Variants in HRG observed in about 807,000 individuals in gnomAD.
HRG encodes histidine rich glycoprotein.
Under a neutral mutation model 29.5 loss-of-function variants are expected in HRG, and 26 were observed. The ratio of observed to expected loss-of-function variants is 0.88; its 90% CI spans 0.65 to 1.22. The LOEUF (loss-of-function observed/expected upper bound fraction) is 1.22. HRG is among the 50% of genes most tolerant of loss of function. The pLI is 0.00. For missense variants in HRG, 671 were observed against 654.5 expected, an observed-to-expected ratio of 1.03 and a Z score of -0.28; for synonymous variants, 243 against 240.4, an observed-to-expected ratio of 1.01 and a Z score of -0.10.
intron 5 of HRG, chr3:186,673,068 C>A: frequency 3.1e-6 from 2 of 647,306 alleles, no homozygotes; most frequent in South Asian, 1.8e-5. Context: ...ACCTGCCAGG[C>A]ACTCTTCTAA....
chr3:186,671,712 G>A lies in HRG; in HGVS notation c.481G>A (p.Ala161Thr), dbSNP rs1162504480. 20 of 1,613,848 alleles carry A rather than the reference G, an allele frequency of 1.2e-5. No individual in the cohort carries two copies. The African/African-American group carries it at 1.6e-4, about 13-fold the overall frequency. Residue 161 changes from alanine to threonine, a missense_variant, in exon 4 of 7, where the codon GCC (alanine) becomes ACC (threonine). Coordinates refer to ENST00000232003, the MANE Select transcript of HRG (RefSeq NM_000412.5). ...TERYRKQANK[A>T]LEKYKEENDD... ...GCGCTACAGAAAACAAGCCAACAAAGCCCTTGAGAAGTACAAAGAGGAGAA... is the reference window on the plus strand; with the variant it reads ...GCGCTACAGAAAACAAGCCAACAAAACCCTTGAGAAGTACAAAGAGGAGAA...
chr3:186,674,731 C>T lies in HRG; in HGVS notation c.640-358C>T, dbSNP rs1313857270. The T allele has an allele frequency of 2.5e-4, 88 of 347,616 alleles. 1 individual carries two copies. Among genetic ancestry groups the T allele is most frequent in the Non-Finnish European group, 2.8e-5 (5 of 178,198 alleles). The allele number at this position is 347,616 out of a possible 1,614,324, so 21.5% of individuals were successfully genotyped here. On this transcript the variant is annotated intron_variant, in intron 5 of 6. Transcript: ENST00000232003. ...AGTTGTAAAAATCCCTCTTTGACAC[C>T]ATTCCTCATTGTCCTAGGCACAGGC...
rs1270404889 is a variant in HRG, at chr3:186,678,123, A to G, written c.*240A>G. The G allele has an allele frequency of 1.2e-5, 6 of 495,292 alleles. No homozygotes were observed. The Admixed American group carries it at 1.7e-4, about 14-fold the overall frequency. The allele number at this position is 495,292 out of a possible 1,614,324, so 30.7% of individuals were successfully genotyped here. A position where few individuals can be genotyped will look rare whatever the true frequency, so the allele number is the denominator to read the frequency against. On this transcript the variant is annotated 3_prime_UTR_variant, in exon 7 of 7. Transcript: ENST00000232003. The stretch of plus-strand genomic sequence containing the variant: ...ACTCACCACTACATCACTTGAGACA[A>G]ATCTATGCCACTCAGAATCTCCTTC...
intron 6 of HRG, among the ~76,000 whole-genome samples, chr3:186,675,859 C>T (rs1348518618): frequency 1.6e-5 from 2 of 126,182 alleles, no homozygotes; most frequent in African/African-American, 6.1e-5. Flanking sequence ...ATGAACATGG[C>T]TCTGTCTTTT....
chr3:186,677,966 A>T lies in HRG; in HGVS notation c.*83A>T. On this transcript the variant is annotated 3_prime_UTR_variant, in exon 7 of 7. Transcript: ENST00000232003. ...AATGACCAGTAATTGTGAAAATTAC[A>T]GTTCTTTTCAACCTACTTTCATACT... The T allele has an allele frequency of 1.5e-6, 2 of 1,356,176 alleles. No individual in the cohort carries two copies. Among genetic ancestry groups the T allele is most frequent in the South Asian group, 1.2e-5 (1 of 81,228 alleles). The allele number at this position is 1,356,176 out of a possible 1,614,324, so 84.0% of individuals were successfully genotyped here.
At chr3:186,673,234 A>G (rs767557178) in intron 5 of HRG, 23 of 342,528 alleles carry the variant, frequency 6.7e-5, no homozygotes, top group South Asian at 1.7e-4. Context: ...CTCCGGAGTA[A>G]CTGGGATTAC....
At chr3:186,675,311 G>GAC in intron 6 of HRG, 121 bp downstream of exon 6, 1 of 609,068 alleles carries the variant, frequency 1.6e-6, no homozygotes, top group Non-Finnish European at 3.0e-6. Flanking sequence ...GTGTGTGTGA[G>GAC]AGAGAGAGAG....
At chr3:186,672,687 C>G (rs1718839658) in intron 4 of HRG, 100 bp from the exon 5 acceptor site, 6 of 792,072 alleles carry the variant, frequency 7.6e-6, no homozygotes, top group African/African-American at 1.7e-5. Context: ...ATTTTGAATT[C>G]TCATACTGCC....
intron 2 of HRG, 47 bp downstream of exon 2, chr3:186,669,098 C>A: frequency 9.5e-7 from 1 of 1,053,210 alleles, no homozygotes; most frequent in Non-Finnish European, 1.5e-6. Flanking sequence ...TTCTTATTTT[C>A]CATCTACTCT....
chr3:186,668,525 C>A, intron 1 of HRG: 1 of 207,588 alleles, frequency 4.8e-6, no homozygotes, highest in Admixed American at 5.3e-5. Flanking sequence ...GAGGATTTAG[C>A]TTTGGGCAAA....
Position 186,675,151 on chromosome 3 carries a change from G to A in HRG, c.702G>A (p.Pro234=), listed in dbSNP as rs201536659. 372 of 1,613,900 alleles carry A rather than the reference G, an allele frequency of 2.3e-4. 1 individual carries two copies. Among genetic ancestry groups the A allele is most frequent in the African/African-American group, 2.9e-4 (22 of 75,028 alleles). ...YDVEALDLES[P]KNLVINCEVF... ...TAGAAGCCTTGGACTTGGAAAGCCC[G>A]AAAAACCTTGTCATAAACTGTGAAG... is the stretch of plus-strand genomic sequence containing the variant. The change falls in exon 6 of 7, where the codon CCG becomes CCA. Residue 234 remains proline (P), a synonymous_variant. Coordinates refer to ENST00000232003, the MANE Select transcript of HRG (RefSeq NM_000412.5).
chr3:186,669,820 A>G (rs1718729859), intron 2 of HRG, 118 bp from the exon 3 acceptor site: 2 of 746,828 alleles, frequency 2.7e-6, no homozygotes, highest in African/African-American at 1.7e-5. Context: ...GATGAAAGAA[A>G]TGCATTTTTA....
intron 6 of HRG, among the ~76,000 whole-genome samples, chr3:186,676,315 T>C (rs550098763): frequency 2.0e-5 from 3 of 152,264 alleles, no homozygotes; most frequent in African/African-American, 7.2e-5. Flanking sequence ...CCAGTGTTGG[T>C]CTACAGATGG....
chr3:186,678,106 C>A lies in HRG; in HGVS notation c.*223C>A. The A allele has an allele frequency of 1.9e-6, 1 of 532,904 alleles. No individual in the cohort carries two copies. Among genetic ancestry groups the A allele is most frequent in the East Asian group, 3.4e-5 (1 of 29,572 alleles). 33.0% of individuals were successfully genotyped at this position (532,904 alleles called of 1,614,324 possible). A position where few individuals can be genotyped will look rare whatever the true frequency, so the allele number is the denominator to read the frequency against. On this transcript the variant is annotated 3_prime_UTR_variant, in exon 7 of 7. Transcript: ENST00000232003. ...TAGTAGTTAATTCTGTCACTCACCA[C>A]TACATCACTTGAGACAAATCTATGC...
intron 4 of HRG, among the ~76,000 whole-genome samples, 193 bp downstream of exon 4, chr3:186,671,982 T>G (rs1275498822): frequency 3.9e-5 from 6 of 152,146 alleles, no homozygotes; most frequent in Non-Finnish European, 8.8e-5. Flanking sequence ...AACACTTTTT[T>G]TTTTTTTTGA....
chr3:186,677,010 T>A, intron 6 of HRG, 37 bp from the exon 7 acceptor site: 1 of 1,613,460 alleles, frequency 6.2e-7, no homozygotes, highest in African/African-American at 1.3e-5. Context: ...TCTTTTATGT[T>A]ACATGATGAT....
intron 5 of HRG, chr3:186,673,142 T>G (rs1718859157): frequency 1.5e-4 from 72 of 493,194 alleles, no homozygotes; most frequent in South Asian, 1.3e-3. Context: ...TCGCTCTTGT[T>G]GCCCAGGTTG....
rs529036933 is a variant in HRG, at chr3:186,671,968, C to G, written c.558+179C>G. On this transcript the variant is annotated intron_variant, in intron 4 of 6. Coordinates refer to ENST00000232003, the MANE Select transcript of HRG (RefSeq NM_000412.5). ...TAAAAAATACAAAAAAATTGCTTTC[C>G]TCAAACACTTTTTTTTTTTTTTGAA... Among the ~76,000 whole-genome samples the G allele has an allele frequency of 2.7e-4, 21 of 77,268 alleles. No individual in the cohort carries two copies. In the East Asian group the frequency reaches 7.9e-3, roughly 29 times the overall value. 50.7% of individuals were successfully genotyped at this position (77,268 alleles called of 152,430 possible).
chr3:186,675,665 G>A (rs1718959001), intron 6 of HRG, among the ~76,000 whole-genome samples: 1 of 152,094 alleles, frequency 6.6e-6, no homozygotes, highest in East Asian at 1.9e-4. Flanking sequence ...TTATGTAAAT[G>A]TATATAAAAT....
Sources: allele counts gnomAD v4.1 joint callset (sites outside exome capture counted in the v4.1 genomes callset), GRCh38; gene constraint gnomAD v4.1.1; transcripts MANE v1.5; gene names NCBI Gene and HGNC (gene_info 2026-07-23, HGNC 2026-07-21).